The following MYH14 variants were observed in gnomAD, a reference collection of about 807,000 sequenced individuals.
The protein encoded by MYH14 is myosin heavy chain 14, also known as myosin-14.
Under a neutral mutation model 255.5 loss-of-function variants are expected in MYH14, and 123 were observed. The observed-to-expected ratio is 0.48, with a 90% CI of 0.42 to 0.56. The LOEUF is 0.56. MYH14 is among the 20% of genes least tolerant of loss of function. MYH14 has a pLI of 0.00. For missense variants in MYH14, 2,423 were observed against 2,802.3 expected (o/e 0.86, Z 3.06); for synonymous variants, 1,095 against 1,161.2 (o/e 0.94, Z 1.16).
In MYH14 at chr19:50,261,504, C is replaced by T; in HGVS notation, c.2454C>T (p.Leu818=). 1.3e-6 allele frequency: 2 copies of T among 1,549,324 alleles called. No homozygotes were observed. Residue 818 remains leucine, a synonymous_variant, in exon 21 of 43, where the codon CTC becomes CTT. Coordinates refer to ENST00000642316, the MANE Select transcript of MYH14 (RefSeq NM_001145809.2). ...MIQALELDPN[L]YRVGQSKIFF... ...AGGCGCTGGAACTGGACCCCAACCTCTACCGCGTGGGACAGAGCAAGATCT... is the reference window on the plus strand; with the variant it reads ...AGGCGCTGGAACTGGACCCCAACCTTTACCGCGTGGGACAGAGCAAGATCT...
rs1568458315 is a variant in MYH14 at position 50,207,263 on chromosome 19, GAGAGAGAC to G, written c.-3-3092_-3-3085del. 2.0e-3 allele frequency among the ~76,000 whole-genome samples: 225 copies of G among 114,352 alleles called. 5 individuals are homozygous for G. The highest frequency in any genetic ancestry group is 7.7e-3 in the African/African-American group (197 of 25,684). The allele number at this position is 114,352 out of a possible 152,430, so 75.0% of individuals were successfully genotyped here. A position where few individuals can be genotyped will look rare whatever the true frequency, so the allele number is the denominator to read the frequency against. On this transcript the variant is annotated intron_variant, in intron 1 of 42. Transcript: ENST00000642316. ...AGAGAGAGAGAGAGAGAGAAAGAGAGAGAGAGACAGAGAGAGAGAGAGAGAGAGAGAGA... is the reference window on the plus strand; with the variant it reads ...AGAGAGAGAGAGAGAGAGAAAGAGAGAGAGAGAGAGAGAGAGAGAGAGAGA...
chr19:50,249,940 G>A lies in MYH14; in HGVS notation c.1656+117G>A, dbSNP rs576236382. 3.0e-5 allele frequency: 38 copies of A among 1,286,382 alleles called. No individual in the cohort carries two copies. The Admixed American group carries it at 7.8e-4, about 26-fold the overall frequency. 79.7% of individuals were successfully genotyped at this position (1,286,382 alleles called of 1,614,324 possible). ...GGCCTCAGGATGCCCCATGGGTTCTGTGGGGAAGGTGACAGCACCTGCTTC... is the reference window on the plus strand; with the variant it reads ...GGCCTCAGGATGCCCCATGGGTTCTATGGGGAAGGTGACAGCACCTGCTTC... On this transcript the variant is annotated intron_variant, in intron 14 of 42. Transcript: ENST00000642316.
chr19:50,261,495 C>T lies in MYH14; in HGVS notation c.2445C>T (p.Asp815=), dbSNP rs769417068. 2.4e-5 allele frequency: 36 copies of T among 1,512,956 alleles called. No individual in the cohort carries two copies. Among genetic ancestry groups the T allele is most frequent in the Non-Finnish European group, 2.6e-6 (3 of 1,136,254 alleles). 93.7% of individuals were successfully genotyped at this position (1,512,956 alleles called of 1,614,324 possible). A position where few individuals can be genotyped will look rare whatever the true frequency, so the allele number is the denominator to read the frequency against. The part of the protein sequence containing the change: ...CEKMIQALEL[D]PNLYRVGQSK... ...CACAGATCCAGGCGCTGGAACTGGACCCCAACCTCTACCGCGTGGGACAGA... is the reference window on the plus strand; with the variant it reads ...CACAGATCCAGGCGCTGGAACTGGATCCCAACCTCTACCGCGTGGGACAGA... The change falls in exon 21 of 43, where the codon GAC becomes GAT. Residue 815 remains aspartate, a synonymous_variant. Transcript: ENST00000642316.
Position 50,276,415 on chromosome 19 carries a change from G to C in MYH14, c.3680+212G>C, listed in dbSNP as rs1322043101. Among the ~76,000 whole-genome samples the C allele has an allele frequency of 2.6e-5, 4 of 152,198 alleles. No individual in the cohort carries two copies. The South Asian group carries it at 8.3e-4, about 31-fold the overall frequency. On this transcript the variant is annotated intron_variant, in intron 28 of 42. Transcript: ENST00000642316. This position sits in a 1 kb window ranked among gnomAD's most constrained non-coding sequence, Gnocchi z 4.3. ...GGAACTTCCAGTCTCAGGGGAGGCAGATTCAGGCAAAGACAATCTCAACCC... is the reference window on the plus strand; with the variant it reads ...GGAACTTCCAGTCTCAGGGGAGGCACATTCAGGCAAAGACAATCTCAACCC...
chr19:50,250,522 C>T lies in MYH14; in HGVS notation c.1664C>T (p.Pro555Leu). The T allele has an allele frequency of 2.5e-6, 4 of 1,612,898 alleles. No homozygotes were observed. Among genetic ancestry groups the T allele is most frequent in the Non-Finnish European group, 3.4e-6 (4 of 1,179,480 alleles). Residue 555 changes from proline (P) to leucine (L), a missense_variant, in exon 15 of 43, where the codon CCC becomes CTC. By Grantham distance (98) the Pro-to-Leu change is moderately conservative. Coordinates refer to ENST00000642316, the MANE Select transcript of MYH14 (RefSeq NM_001145809.2). This position sits in a 1 kb window ranked among gnomAD's most constrained non-coding sequence, Gnocchi z 5.4. ...CIDLIERPAN[P>L]PGLLALLDEE... is the part of the protein sequence containing the mutation. The stretch of plus-strand genomic sequence containing the variant: ...CCTGCTGTCAATGGCCAGGCCAACC[C>T]CCCTGGACTCCTGGCCCTGCTGGAT...
chr19:50,223,375 C>T (rs2032936822), intron 5 of MYH14, 26 bp downstream of exon 5: 1 of 1,485,700 alleles, frequency 6.7e-7, no homozygotes, highest in South Asian at 1.2e-5. Flanking sequence ...TTGGGTCACC[C>T]CCGGGCCCTG....
chr19:50,289,002 A>G (rs1356607068), intron 34 of MYH14, among the ~76,000 whole-genome samples: 1 of 152,078 alleles, frequency 6.6e-6, no homozygotes, highest in Non-Finnish European at 1.5e-5. Flanking sequence ...GGTCGGTGAC[A>G]CCCTGGGGAG....
chr19:50,235,624 T>TAA (rs547722018), intron 10 of MYH14, among the ~76,000 whole-genome samples: 1 of 140,160 alleles, frequency 7.1e-6, no homozygotes, highest in Non-Finnish European at 1.6e-5. Flanking sequence ...TACTAAAAAT[T>TAA]AAAAAAAAAA....
Position 50,250,400 on chromosome 19 carries a change from A to G in MYH14, c.1657-115A>G. 1 of 1,091,588 alleles carries G rather than the reference A, an allele frequency of 9.2e-7. No homozygotes were observed. The allele number at this position is 1,091,588 out of a possible 1,614,324, so 67.6% of individuals were successfully genotyped here. A position where few individuals can be genotyped will look rare whatever the true frequency, so the allele number is the denominator to read the frequency against. On this transcript the variant is annotated intron_variant, in intron 14 of 42. Transcript: ENST00000642316. This position sits in a 1 kb window ranked among gnomAD's most constrained non-coding sequence, Gnocchi z 5.4. ...ACAGGCGTGAGCCACCGTGCCTGGC[A>G]TCTCACGTTTGTTTTTATGTCCAAG...
Position 50,249,698 on chromosome 19 carries a change from C to T in MYH14, c.1531C>T (p.Gln511Ter). 2 of 1,614,226 alleles carry T rather than the reference C, an allele frequency of 1.2e-6. No homozygotes were observed. The highest frequency in any genetic ancestry group is 1.7e-6 in the Non-Finnish European group (2 of 1,180,056). Reference sequence around the variant, plus strand: ...CATCAACTACACCAACGAGAAGCTGCAGCAGCTCTTCAACCACACCATGTT... The same window carrying T: ...CATCAACTACACCAACGAGAAGCTGTAGCAGCTCTTCAACCACACCATGTT... ...LCINYTNEKL[Q>*]QLFNHTMFVL... The change falls in exon 14 of 43, where the codon CAG becomes TAG. Residue 511 changes from glutamine to a stop codon, truncating the protein, a stop_gained. Transcript: ENST00000642316. LOFTEE classifies it high-confidence loss of function.
At chr19:50,281,885 A>G in intron 33 of MYH14, 43 bp downstream of exon 33, 4 of 1,589,176 alleles carry the variant, frequency 2.5e-6, no homozygotes, top group Non-Finnish European at 3.4e-6. Context: ...CAGCAAGTCC[A>G]TCTACGCTTC....
intron 18 of MYH14, among the ~76,000 whole-genome samples, chr19:50,258,901 C>A (rs1488350494): frequency 6.6e-6 from 1 of 152,032 alleles, no homozygotes; most frequent in Non-Finnish European, 1.5e-5. Flanking sequence ...CTTAGTATTT[C>A]TTCTTTATTA....
chr19:50,240,977 G>A (rs2033869702), intron 10 of MYH14, among the ~76,000 whole-genome samples: 1 of 152,142 alleles, frequency 6.6e-6, no homozygotes, highest in South Asian at 2.1e-4. Flanking sequence ...CAGTGGTTAT[G>A]AAGGGTACCT....
At position 50,255,217 on chromosome 19, in the gene MYH14, C is replaced by T; in HGVS notation, c.1946-3C>T. ...CACCCACACATCTGTCCTCACTCCC[C>T]AGAACATGGGGGCTTCCAGCAGTTC... On this transcript the variant is annotated splice_region_variant and splice_polypyrimidine_tract_variant and intron_variant, in intron 16 of 42. Transcript: ENST00000642316. 2 of 1,549,984 alleles carry T rather than the reference C, an allele frequency of 1.3e-6. No homozygotes were observed. The highest frequency in any genetic ancestry group is 3.9e-5 in the Admixed American group (2 of 51,000).
In MYH14 at chr19:50,254,217, CAA is replaced by C. The variant is rs56737609; in HGVS notation, c.1946-989_1946-988del. Reference sequence around the variant, plus strand: ...GGGCAACAAGAGTGAAACTCTGTCTCAAAAAAAAAAAAAAAGGAAAAAAAAAG... The same window carrying C: ...GGGCAACAAGAGTGAAACTCTGTCTCAAAAAAAAAAAAAGGAAAAAAAAAG... On this transcript the variant is annotated intron_variant, in intron 16 of 42. Coordinates refer to ENST00000642316, the MANE Select transcript of MYH14 (RefSeq NM_001145809.2). Among the ~76,000 whole-genome samples the C allele has an allele frequency of 4.1e-4, 35 of 85,272 alleles. 1 individual carries two copies. Among genetic ancestry groups the C allele is most frequent in the East Asian group, 7.8e-4 (2 of 2,566 alleles). 55.9% of individuals were successfully genotyped at this position (85,272 alleles called of 152,430 possible).
At chr19:50,223,991 G>A (rs761349822) in intron 5 of MYH14, among the ~76,000 whole-genome samples, 163 bp from the exon 6 acceptor site, 1 of 152,060 alleles carries the variant, frequency 6.6e-6, no homozygotes, top group African/African-American at 2.4e-5. Flanking sequence ...TCAAACCCAG[G>A]AGTGTGGTCC....
intron 27 of MYH14, among the ~76,000 whole-genome samples, 169 bp from the exon 28 acceptor site, chr19:50,275,822 T>A (rs1228705545): frequency 6.6e-6 from 1 of 152,200 alleles, no homozygotes; most frequent in Non-Finnish European, 1.5e-5. Flanking sequence ...CGAGACCCTG[T>A]CTCAGAAAAC....
intron 40 of MYH14, among the ~76,000 whole-genome samples, chr19:50,304,329 C>T (rs2036587036): frequency 6.6e-6 from 1 of 152,192 alleles, no homozygotes; most frequent in Admixed American, 6.5e-5. Context: ...GTGGCTCACG[C>T]CTGTAATCCC....
chr19:50,219,727 G>A (rs11672608), intron 3 of MYH14, among the ~76,000 whole-genome samples: 76,407 of 150,950 alleles, frequency 0.51, 21,977 homozygotes, highest in Non-Finnish European at 0.64. Context: ...ATCCATCCAA[G>A]GGGCTGCCAT....
Sources: gnomAD v4.1 joint callset for allele counts (sites outside exome capture counted in the v4.1 genomes callset) on GRCh38, gnomAD v4.1.1 for gene constraint, Gnocchi (gnomAD v3.1) non-coding constraint, MANE v1.5 for transcripts, NCBI Gene and HGNC (gene_info 2026-07-23, HGNC 2026-07-21) for gene names.